The following MLLT10 variants were observed in gnomAD, a reference collection of about 807,000 sequenced individuals.
MLLT10 encodes protein AF-10.
A neutral mutation model predicts 129.1 loss-of-function variants in MLLT10; 30 were observed. The observed-to-expected ratio is 0.23, with a 90% CI of 0.17 to 0.32. MLLT10 has a LOEUF of 0.32. MLLT10 is among the 10% of genes least tolerant of loss of function. MLLT10 has a pLI of 1.00. For missense variants in MLLT10, 1,119 were observed against 1,268.3 expected, an observed-to-expected ratio of 0.88 and a Z score of 1.79; for synonymous variants, 490 against 446.4, an observed-to-expected ratio of 1.10 and a Z score of -1.23.
intron 17 of MLLT10, among the ~76,000 whole-genome samples, chr10:21,732,186 T>C (rs1589877527): frequency 6.6e-6 from 1 of 152,224 alleles, no homozygotes; most frequent in Non-Finnish European, 1.5e-5. Context: ...CTTTTTAGTA[T>C]GTGACGGACA....
intron 8 of MLLT10, among the ~76,000 whole-genome samples, chr10:21,640,486 G>A (rs1159795042): frequency 6.6e-6 from 1 of 151,660 alleles, no homozygotes; most frequent in Non-Finnish European, 1.5e-5. Flanking sequence ...ATTACTTAGA[G>A]CAATAGCTGT....
chr10:21,598,120 T>C (rs2043184297), intron 5 of MLLT10, among the ~76,000 whole-genome samples: 1 of 152,240 alleles, frequency 6.6e-6, no homozygotes, highest in African/African-American at 2.4e-5. Context: ...AATTTCACCC[T>C]TTCTTTTACA....
intron 14 of MLLT10, 46 bp downstream of exon 14, chr10:21,713,996 A>C: frequency 1.3e-6 from 2 of 1,517,178 alleles, no homozygotes; most frequent in Non-Finnish European, 1.8e-6. Flanking sequence ...TGGGTTTCTC[A>C]TTTTTAAAGT....
intron 16 of MLLT10, among the ~76,000 whole-genome samples, chr10:21,728,565 T>A (rs1189001746): frequency 1.3e-5 from 2 of 152,202 alleles, no homozygotes; most frequent in African/African-American, 4.8e-5. Flanking sequence ...TGGTGATAGC[T>A]ATCTCCTTAT....
intron 3 of MLLT10, among the ~76,000 whole-genome samples, chr10:21,560,107 G>C (rs1428671341): frequency 6.6e-6 from 1 of 152,160 alleles, no homozygotes; most frequent in Non-Finnish European, 1.5e-5. Context: ...CCGGGTTCAA[G>C]TGATTCTCCT....
intron 11 of MLLT10, among the ~76,000 whole-genome samples, chr10:21,677,245 G>T (rs929344578): frequency 5.2e-4 from 79 of 152,288 alleles, no homozygotes; most frequent in African/African-American, 1.9e-3. Flanking sequence ...TTAACTTTCA[G>T]CAATAGTGTT....
intron 4 of MLLT10, among the ~76,000 whole-genome samples, chr10:21,591,985 T>G (rs1445180892): frequency 6.6e-6 from 1 of 152,204 alleles, no homozygotes; most frequent in South Asian, 2.1e-4. Flanking sequence ...CTATCTAAAG[T>G]GTTGGGATTA....
Position 21,534,734 on chromosome 10 carries a change from C to G in MLLT10, c.90C>G (p.Asp30Glu), listed in dbSNP as rs1297139001. The change falls in exon 2 of 23, where the codon GAC becomes GAG. Residue 30 changes from aspartate (D) to glutamate (E), a missense_variant. Asp to Glu is a conservative substitution (Grantham distance 45). This residue lies in a region of MLLT10 where 33 missense variants were observed against 76.9 expected (regional missense o/e 0.43). Transcript: ENST00000307729. ...EMIGGCCVCS[D>E]ERGWAENPLV... ...TTGGAGGCTGTTGCGTTTGCTCAGA[C>G]GAGAGAGGCTGGGCCGAGAACCCGC... 2.5e-6 allele frequency: 4 copies of G among 1,613,260 alleles called. No individual in the cohort carries two copies. Among genetic ancestry groups the G allele is most frequent in the Non-Finnish European group, 2.5e-6 (3 of 1,179,538 alleles).
At chr10:21,543,021 C>T (rs1187972066) in intron 3 of MLLT10, among the ~76,000 whole-genome samples, 4 of 151,618 alleles carry the variant, frequency 2.6e-5, no homozygotes, top group Admixed American at 6.6e-5. Context: ...TGCAATGGCG[C>T]GATCTCGGCT....
intron 8 of MLLT10, among the ~76,000 whole-genome samples, chr10:21,632,377 T>G (rs1426843394): frequency 1.3e-5 from 2 of 152,174 alleles, no homozygotes; most frequent in Non-Finnish European, 2.9e-5. Context: ...GCTATCTAAT[T>G]ATAGCATCAT....
At chr10:21,701,350 G>A (rs1293120316) in intron 13 of MLLT10, among the ~76,000 whole-genome samples, 5 of 140,600 alleles carry the variant, frequency 3.6e-5, no homozygotes, top group African/African-American at 1.3e-4. Context: ...CTTTTCTTCT[G>A]CTGATTTTGG....
rs1833772653 is a variant in MLLT10, at chr10:21,742,262, A to G, written c.*279A>G. 5.6e-6 allele frequency: 2 copies of G among 359,986 alleles called. No individual in the cohort carries two copies. The highest frequency in any genetic ancestry group is 9.9e-6 in the Non-Finnish European group (2 of 201,168). 22.3% of individuals were successfully genotyped at this position (359,986 alleles called of 1,614,324 possible). On this transcript the variant is annotated 3_prime_UTR_variant, in exon 23 of 23. Transcript: ENST00000307729. ...TTTAAAGTGACATAATTTACATGCAATATGTTTATCAACTCAAGAATTTAA... is the reference window on the plus strand; with the variant it reads ...TTTAAAGTGACATAATTTACATGCAGTATGTTTATCAACTCAAGAATTTAA...
intron 16 of MLLT10, among the ~76,000 whole-genome samples, chr10:21,728,866 ATTTTT>A (rs201564671): frequency 1.4e-5 from 2 of 139,180 alleles, no homozygotes; most frequent in Non-Finnish European, 3.1e-5. Flanking sequence ...CATGTCTACA[ATTTTT>A]TTTTTTTTTT....
chr10:21,710,701 G>C (rs1346762830), intron 13 of MLLT10, among the ~76,000 whole-genome samples: 1 of 152,106 alleles, frequency 6.6e-6, no homozygotes, highest in Non-Finnish European at 1.5e-5. Flanking sequence ...CTCTTAATTT[G>C]TATTAGGAAG....
intron 3 of MLLT10, among the ~76,000 whole-genome samples, chr10:21,584,527 TG>T (rs2041805911): frequency 1.3e-5 from 2 of 152,208 alleles, no homozygotes; most frequent in Admixed American, 1.3e-4. Context: ...TTGCTTAGGC[TG>T]GTCTCGAACT....
In MLLT10 at chr10:21,539,477, T is replaced by C. The variant is rs561393793; in HGVS notation, c.240+565T>C. Among the ~76,000 whole-genome samples the C allele has an allele frequency of 2.0e-5, 3 of 150,904 alleles. No individual in the cohort carries two copies. The East Asian group carries it at 5.8e-4, about 29-fold the overall frequency. ...TTTCAGAACTTTTCTAAACCTCTTA[T>C]AAGAATGAAGGAGGTGCCGGGTGCA... On this transcript the variant is annotated intron_variant, in intron 3 of 22. Transcript: ENST00000307729.
chr10:21,652,106 G>T (rs899068842), intron 9 of MLLT10, among the ~76,000 whole-genome samples: 1 of 151,616 alleles, frequency 6.6e-6, no homozygotes, highest in Admixed American at 6.6e-5. Context: ...TAGAGACGGG[G>T]TTTCACTGTG....
chr10:21,717,625 CCTCCTCCTCCTCCTT>C, intron 14 of MLLT10, among the ~76,000 whole-genome samples: 9 of 138,606 alleles, frequency 6.5e-5, no homozygotes, highest in African/African-American at 2.4e-4. Context: ...TCCTCTTCCT[CCTCCTCCTCCTCCTT>C]TTCCTCCTCC....
At chr10:21,608,894 C>T (rs2044322518) in intron 5 of MLLT10, among the ~76,000 whole-genome samples, 1 of 152,144 alleles carries the variant, frequency 6.6e-6, no homozygotes, top group African/African-American at 2.4e-5. Flanking sequence ...TTTCTTACTG[C>T]TCCTTTTTCC....
Sources: allele counts gnomAD v4.1 joint callset (sites outside exome capture counted in the v4.1 genomes callset), GRCh38; gene constraint gnomAD v4.1.1; regional missense constraint gnomAD v4.1.1; transcripts MANE v1.5; gene names NCBI Gene and HGNC (gene_info 2026-07-23, HGNC 2026-07-21).